The following NAA16 variants were observed in gnomAD, a reference collection of about 807,000 sequenced individuals.
The protein encoded by NAA16 is NARG1-like protein.
NAA16 carries 97 observed loss-of-function variants against 110.3 expected under a neutral mutation model. That is an observed-to-expected ratio of 0.88 (90% CI 0.75 to 1.04). The LOEUF (loss-of-function observed/expected upper bound fraction) is 1.04. NAA16 is among the 50% of genes least tolerant of loss of function. The pLI, the probability that NAA16 is intolerant of heterozygous loss-of-function variation, is 0.00. For missense variants in NAA16, 1,017 were observed against 1,005.1 expected, an observed-to-expected ratio of 1.01 and a Z score of -0.16; for synonymous variants, 372 against 330.6, an observed-to-expected ratio of 1.13 and a Z score of -1.36.
rs777938348 is a variant in NAA16, at chr13:41,362,043, G to A, written c.1423G>A (p.Ala475Thr). The change falls in exon 13 of 20, where the codon GCC (alanine) becomes ACC (threonine). Residue 475 changes from alanine to threonine, a missense_variant. Coordinates refer to ENST00000379406, the MANE Select transcript of NAA16 (RefSeq NM_024561.5). ...GCTTCCATTTCAGGAAGGAACATCT[G>A]CCATGGAAAATCTAAATGAAATGCA... is the stretch of plus-strand genomic sequence containing the variant. Reference protein sequence around the residue: ...CSKFTREGTSAMENLNEMQCM... With the variant: ...CSKFTREGTSTMENLNEMQCM... The A allele has an allele frequency of 2.5e-6, 4 of 1,610,814 alleles. No homozygotes were observed. The highest frequency in any genetic ancestry group is 2.2e-5 in the East Asian group (1 of 44,630).
At chr13:41,370,470 G>C (rs1022809247) in intron 15 of NAA16, among the ~76,000 whole-genome samples, 1 of 152,212 alleles carries the variant, frequency 6.6e-6, no homozygotes, top group East Asian at 1.9e-4. Context: ...AAATGCAGTT[G>C]GGATTATGAC....
intron 9 of NAA16, among the ~76,000 whole-genome samples, chr13:41,350,620 G>T (rs10161643): frequency 0.25 from 729 of 2,962 alleles, 35 homozygotes; most frequent in Middle Eastern, 0.36. Context: ...TTTTTTTTTT[G>T]TTTGTTTGTT....
chr13:41,345,424 A>G (rs1308108213), intron 9 of NAA16, among the ~76,000 whole-genome samples: 1 of 152,144 alleles, frequency 6.6e-6, no homozygotes, highest in Non-Finnish European at 1.5e-5. Context: ...GCATTTCCTG[A>G]TTACCGTTGG....
At chr13:41,362,769 G>A (rs1032136069) in intron 13 of NAA16, 11 of 1,289,642 alleles carry the variant, frequency 8.5e-6, no homozygotes, top group East Asian at 5.5e-5. Context: ...GAAAAGAGCC[G>A]CAAATGCACC....
chr13:41,311,965 C>T (rs780144591), intron 1 of NAA16, among the ~76,000 whole-genome samples: 4 of 152,242 alleles, frequency 2.6e-5, no homozygotes, highest in Admixed American at 6.5e-5. Flanking sequence ...TTGCCAGTCT[C>T]TCCTCGGCTA....
At chr13:41,368,031 G>A (rs999351393) in intron 14 of NAA16, among the ~76,000 whole-genome samples, 11 of 152,062 alleles carry the variant, frequency 7.2e-5, no homozygotes, top group Admixed American at 2.6e-4. Flanking sequence ...GACCCCTGTC[G>A]CTACAAAAAT....
At chr13:41,354,304 G>A (rs1282681030) in intron 9 of NAA16, among the ~76,000 whole-genome samples, 2 of 152,066 alleles carry the variant, frequency 1.3e-5, no homozygotes, top group Non-Finnish European at 2.9e-5. Context: ...GGAGTAATCC[G>A]GATTCAAAAT....
At chr13:41,313,902 C>T (rs549240871) in intron 1 of NAA16, among the ~76,000 whole-genome samples, 2 of 149,866 alleles carry the variant, frequency 1.3e-5, no homozygotes, top group African/African-American at 4.9e-5. Context: ...CGCTTTGTCG[C>T]CCAGGCTGGA....
Position 41,336,729 on chromosome 13 carries a change from G to C in NAA16, c.987G>C (p.Leu329Phe). The C allele has an allele frequency of 6.2e-7, 1 of 1,605,682 alleles. No homozygotes were observed. The highest frequency in any genetic ancestry group is 8.5e-7 in the Non-Finnish European group (1 of 1,174,904). Residue 329 changes from leucine (L) to phenylalanine (F), a missense_variant, in exon 9 of 20, where the codon TTG (leucine) becomes TTC (phenylalanine). Leu to Phe is a conservative substitution (Grantham distance 22). Transcript: ENST00000379406. ...SKGCPPLFTT[L>F]KSLYYNTEKV... is the part of the protein sequence containing the mutation. ...GCTGCCCACCCTTGTTTACTACTTT[G>C]AAATCTTTATATTACAATACAGAAA...
At chr13:41,369,412 C>A in intron 15 of NAA16, 129 bp downstream of exon 15, 2 of 939,930 alleles carry the variant, frequency 2.1e-6, no homozygotes, top group Non-Finnish European at 1.5e-6. Flanking sequence ...TTATAATAGC[C>A]GTCAATTATC....
At chr13:41,320,971 A>C (rs2041930659) in intron 4 of NAA16, 147 bp downstream of exon 4, 1 of 678,526 alleles carries the variant, frequency 1.5e-6, no homozygotes, top group Non-Finnish European at 2.3e-6. Flanking sequence ...CTTCCTTCTC[A>C]GTCATAGTTG....
chr13:41,350,920 G>A (rs2042819920), intron 9 of NAA16, among the ~76,000 whole-genome samples: 1 of 152,100 alleles, frequency 6.6e-6, no homozygotes, highest in Non-Finnish European at 1.5e-5. Flanking sequence ...ATGAGCCACT[G>A]CACCCAGCCC....
intron 1 of NAA16, among the ~76,000 whole-genome samples, chr13:41,312,849 A>C (rs2041673212): frequency 6.6e-6 from 1 of 152,202 alleles, no homozygotes; most frequent in Non-Finnish European, 1.5e-5. Flanking sequence ...CAAATGTGAG[A>C]ACATTAAAAA....
chr13:41,372,878 G>GGGA, intron 17 of NAA16, 48 bp downstream of exon 17: 1 of 1,439,132 alleles, frequency 6.9e-7, no homozygotes, highest in South Asian at 1.5e-5. Flanking sequence ...TATTTCTAAG[G>GGGA]GGAGGAGGTT....
chr13:41,341,695 C>T (rs967033059), intron 9 of NAA16, among the ~76,000 whole-genome samples: 1 of 152,152 alleles, frequency 6.6e-6, no homozygotes, highest in Non-Finnish European at 1.5e-5. Context: ...CCAGCCTGTG[C>T]CACAGACTTG....
At chr13:41,311,667 G>A in intron 1 of NAA16, 85 bp downstream of exon 1, 1 of 1,329,644 alleles carries the variant, frequency 7.5e-7, no homozygotes, top group Non-Finnish European at 1.0e-6. Flanking sequence ...CGGCCGGCGC[G>A]GGCCAGGCTT....
At chr13:41,318,781 A>G in intron 2 of NAA16, 25 bp from the exon 3 acceptor site, 2 of 1,328,112 alleles carry the variant, frequency 1.5e-6, no homozygotes, top group South Asian at 2.8e-5. Context: ...TCATTTGTAA[A>G]TAGAGTTTAA....
Position 41,346,898 on chromosome 13 carries a change from A to C in NAA16, c.1015-8246A>C, listed in dbSNP as rs543516122. 9.9e-4 allele frequency among the ~76,000 whole-genome samples: 151 copies of C among 152,274 alleles called. 1 individual carries two copies. The highest frequency in any genetic ancestry group is 3.3e-3 in the African/African-American group (139 of 41,544). On this transcript the variant is annotated intron_variant, in intron 9 of 19. Coordinates refer to ENST00000379406, the MANE Select transcript of NAA16 (RefSeq NM_024561.5). ...GTGCCAGTGCCATACTGTCTTGCTT[A>C]CTGTAGCAGTGTGGTAAGTTTTGAA... is the stretch of plus-strand genomic sequence containing the variant.
chr13:41,324,387 T>C (rs1313439004), intron 5 of NAA16, among the ~76,000 whole-genome samples: 2 of 119,890 alleles, frequency 1.7e-5, no homozygotes, highest in Non-Finnish European at 3.5e-5. Flanking sequence ...TTTTTTTTTT[T>C]TTTTTTGAGA....
Sources: gnomAD v4.1 joint callset for allele counts (sites outside exome capture counted in the v4.1 genomes callset) on GRCh38, gnomAD v4.1.1 for gene constraint, MANE v1.5 for transcripts, NCBI Gene and HGNC (gene_info 2026-07-23, HGNC 2026-07-21) for gene names.